TENT2: variants seen among roughly 807,000 people sequenced by gnomAD.
The protein encoded by TENT2 is poly(A) RNA polymerase GLD2.
A neutral mutation model predicts 72.2 loss-of-function variants in TENT2; 44 were observed. That is an observed-to-expected ratio of 0.61 (90% CI 0.48 to 0.78). TENT2 has a LOEUF of 0.78. TENT2 is among the 30% of genes least tolerant of loss of function. TENT2 has a pLI of 0.00. For missense variants in TENT2, 541 were observed against 569.6 expected, an observed-to-expected ratio of 0.95 and a Z score of 0.51; for synonymous variants, 212 against 192.5, an observed-to-expected ratio of 1.10 and a Z score of -0.84.
chr5:79,641,083 T>C (rs1784109114), intron 5 of TENT2, 22 bp from the exon 6 acceptor site: 2 of 1,550,452 alleles, frequency 1.3e-6, no homozygotes, highest in East Asian at 2.3e-5. Flanking sequence ...AATACTCTTA[T>C]TACTTTCTTC....
intron 4 of TENT2, among the ~76,000 whole-genome samples, chr5:79,628,522 G>A (rs1300077861): frequency 6.6e-6 from 1 of 152,126 alleles, no homozygotes; most frequent in African/African-American, 2.4e-5. Flanking sequence ...AGATGGTAGT[G>A]AAAAAGATGT....
At chr5:79,633,246 A>G (rs1777010159) in intron 4 of TENT2, among the ~76,000 whole-genome samples, 1 of 152,152 alleles carries the variant, frequency 6.6e-6, no homozygotes, top group Admixed American at 6.5e-5. Context: ...GCAATGAGAG[A>G]GCCTGAGAAA....
intron 8 of TENT2, 67 bp downstream of exon 8, chr5:79,645,259 G>T: frequency 8.3e-7 from 1 of 1,202,340 alleles, no homozygotes; most frequent in Non-Finnish European, 1.2e-6. Context: ...ATCTGATAAA[G>T]ATAATTAAGA....
Position 79,623,444 on chromosome 5 carries a change from A to G in TENT2, c.420A>G (p.Ala140=), listed in dbSNP as rs1766750979. 2 of 1,611,598 alleles carry G rather than the reference A, an allele frequency of 1.2e-6. No homozygotes were observed. Among genetic ancestry groups the G allele is most frequent in the East Asian group, 2.2e-5 (1 of 44,758 alleles). Residue 140 remains alanine, a synonymous_variant, in exon 4 of 15, where the codon GCA becomes GCG. Transcript: ENST00000453514. The part of the protein sequence containing the change: ...VRCVPPFREI[A]FLEPREITLP... ...GTGTTCCACCTTTTCGAGAAATTGC[A>G]TTTTTAGAACCTAGAGAAATCACAC... is the stretch of plus-strand genomic sequence containing the variant.
At position 79,639,942 on chromosome 5, in the gene TENT2, T is replaced by TGTGAACCAGATCAGTAGATAAAAGG. The variant is rs1783080041; in HGVS notation, c.466-905_466-881dup. 2.0e-5 allele frequency among the ~76,000 whole-genome samples: 3 copies of TGTGAACCAGATCAGTAGATAAAAGG among 152,056 alleles called. No individual in the cohort carries two copies. The South Asian group carries it at 6.2e-4, about 32-fold the overall frequency. On this transcript the variant is annotated intron_variant, in intron 4 of 14. Coordinates refer to ENST00000453514, the MANE Select transcript of TENT2 (RefSeq NM_001114394.3). Reference sequence around the variant, plus strand: ...GCAAGAGTTGGGCTGGAGGGAAAAGTGTGAACCAGATCAGTAGATAAAAGG... The same window carrying TGTGAACCAGATCAGTAGATAAAAGG: ...GCAAGAGTTGGGCTGGAGGGAAAAGTGTGAACCAGATCAGTAGATAAAAGGGTGAACCAGATCAGTAGATAAAAGG...
At chr5:79,664,568 C>T (rs1805712064) in intron 11 of TENT2, among the ~76,000 whole-genome samples, 1 of 147,658 alleles carries the variant, frequency 6.8e-6, no homozygotes, top group South Asian at 2.1e-4. Context: ...GCACTCCAGC[C>T]TGGGTGACAG....
Position 79,619,676 on chromosome 5 carries a change from C to T in TENT2, c.28C>T (p.Pro10Ser), listed in dbSNP as rs1369335169. MFPNSILGR[P>S]PFTPNHQQHN... ...GTTCCCAAACTCAATTTTGGGTCGC[C>T]CACCCTTCACTCCAAATCATCAACA... Residue 10 changes from proline to serine, a missense_variant, in exon 2 of 15, where the codon CCA becomes TCA. Transcript: ENST00000453514. The T allele has an allele frequency of 1.2e-6, 2 of 1,613,588 alleles. No individual in the cohort carries two copies. Among genetic ancestry groups the T allele is most frequent in the Non-Finnish European group, 1.7e-6 (2 of 1,179,808 alleles).
chr5:79,654,207 G>A (rs930011014), intron 10 of TENT2, among the ~76,000 whole-genome samples: 18 of 152,128 alleles, frequency 1.2e-4, no homozygotes, highest in African/African-American at 4.3e-4. Flanking sequence ...TGAGGCGGGT[G>A]GATCACTTGA....
intron 11 of TENT2, among the ~76,000 whole-genome samples, chr5:79,665,441 CAG>C (rs1319927459): frequency 1.3e-5 from 2 of 152,000 alleles, no homozygotes; most frequent in African/African-American, 4.8e-5. Flanking sequence ...GGGACAGTCT[CAG>C]AAAAAAATGA....
chr5:79,649,722 C>T (rs374471111), intron 10 of TENT2, among the ~76,000 whole-genome samples: 14 of 151,960 alleles, frequency 9.2e-5, no homozygotes, highest in Non-Finnish European at 1.9e-4. Context: ...ATACTTTTGT[C>T]GCATGCATAG....
At position 79,649,061 on chromosome 5, in the gene TENT2, G is replaced by C. The variant is rs1791470098; in HGVS notation, c.899-1G>C. 6.2e-7 allele frequency: 1 copy of C among 1,612,656 alleles called. No individual in the cohort carries two copies. Among genetic ancestry groups the C allele is most frequent in the Non-Finnish European group, 8.5e-7 (1 of 1,179,280 alleles). Reference sequence around the variant, plus strand: ...ATGTTAAGTTTTAATTTTACTTTCAGTTGAAAATCGAGTTCGTCCGTTAGT... The same window carrying C: ...ATGTTAAGTTTTAATTTTACTTTCACTTGAAAATCGAGTTCGTCCGTTAGT... On this transcript the variant is annotated splice_acceptor_variant, in intron 9 of 14. Transcript: ENST00000453514. LOFTEE classifies it high-confidence loss of function.
Position 79,659,566 on chromosome 5 carries a change from A to AG in TENT2, c.1071+2565_1071+2566insG, listed in dbSNP as rs1561547515. Among the ~76,000 whole-genome samples, 88 of 87,066 alleles carry AG rather than the reference A, an allele frequency of 1.0e-3. 16 individuals are homozygous for AG. The highest frequency in any genetic ancestry group is 4.8e-3 in the African/African-American group (79 of 16,302). The allele number at this position is 87,066 out of a possible 152,430, so 57.1% of individuals were successfully genotyped here. On this transcript the variant is annotated intron_variant, in intron 11 of 14. Transcript: ENST00000453514. ...AAAAAAAAAAAAAATGTATATATAT[A>AG]TATATATATATATATATATATATAT... is the stretch of plus-strand genomic sequence containing the variant.
chr5:79,653,489 T>G (rs537003942), intron 10 of TENT2, among the ~76,000 whole-genome samples: 1 of 152,280 alleles, frequency 6.6e-6, no homozygotes. Context: ...TGACTGTGTC[T>G]TAACAAAACA....
chr5:79,624,377 T>A (rs1473890021), intron 4 of TENT2, among the ~76,000 whole-genome samples: 1 of 152,236 alleles, frequency 6.6e-6, no homozygotes, highest in African/African-American at 2.4e-5. Context: ...ATTCCTTAGT[T>A]GTGCTGCTTT....
chr5:79,670,962 T>C (rs1486596600), intron 12 of TENT2, among the ~76,000 whole-genome samples: 1 of 151,848 alleles, frequency 6.6e-6, no homozygotes, highest in Non-Finnish European at 1.5e-5. Flanking sequence ...TGTATTGACA[T>C]TGTTTATTAT....
intron 4 of TENT2, chr5:79,623,786 A>AG (rs1767016734): frequency 4.6e-6 from 1 of 217,302 alleles, no homozygotes; most frequent in African/African-American, 2.3e-5. Context: ...ACTGAAAAAA[A>AG]AAAAAGTTGT....
At chr5:79,683,564 C>T (rs759639069) in intron 14 of TENT2, among the ~76,000 whole-genome samples, 19 of 151,930 alleles carry the variant, frequency 1.3e-4, no homozygotes, top group African/African-American at 4.6e-4. Context: ...TACAAGCTGT[C>T]GTTCAAATGA....
At chr5:79,613,275 C>T (rs1359178860) in intron 1 of TENT2, among the ~76,000 whole-genome samples, 200 bp downstream of exon 1, 1 of 152,160 alleles carries the variant, frequency 6.6e-6, no homozygotes, top group Admixed American at 6.5e-5. Flanking sequence ...TTATATGTCT[C>T]AAAACTTATG....
intron 11 of TENT2, among the ~76,000 whole-genome samples, chr5:79,661,690 A>G (rs1803023817): frequency 6.6e-6 from 1 of 152,210 alleles, no homozygotes; most frequent in African/African-American, 2.4e-5. Flanking sequence ...CTTCAGCACC[A>G]GTTGTGGAGA....
Sources: gnomAD v4.1 joint callset for allele counts (sites outside exome capture counted in the v4.1 genomes callset) on GRCh38, gnomAD v4.1.1 for gene constraint, MANE v1.5 for transcripts, NCBI Gene and HGNC (gene_info 2026-07-23, HGNC 2026-07-21) for gene names.